SASH3: variants seen among roughly 807,000 people sequenced by gnomAD.
SASH3 encodes SAM and SH3 domain containing 3.
In SASH3, 7 loss-of-function variants were observed where a neutral mutation model predicts 26.1. That is an observed-to-expected ratio of 0.27 (90% CI 0.15 to 0.50). The LOEUF is 0.50. Ranked by LOEUF, SASH3 falls within the 20% of genes least tolerant of loss-of-function variation. SASH3 has a pLI of 0.98. For synonymous variants in SASH3, 138 were observed against 136.8 expected (o/e 1.01, Z -0.06); for missense variants, 231 against 318.3 (o/e 0.73, Z 2.09).
intron 3 of SASH3, among the ~76,000 whole-genome samples, chrX:129,789,632 C>T (rs1052148433): frequency 6.4e-5 from 7 of 109,642 alleles, no homozygotes; most frequent in Non-Finnish European, 1.1e-4. Flanking sequence ...AGCAAAACTC[C>T]GTCTCAAAAA....
chrX:129,793,333 A>G (rs1471732293), intron 7 of SASH3, among the ~76,000 whole-genome samples, 194 bp downstream of exon 7: 1 of 112,339 alleles, frequency 8.9e-6, no homozygotes, highest in Non-Finnish European at 1.9e-5. Flanking sequence ...GATTGGGCCC[A>G]ACCTCCTTTG....
intron 2 of SASH3, 38 bp downstream of exon 2, chrX:129,788,108 GCCCT>G: frequency 3.6e-6 from 2 of 559,530 alleles, no homozygotes; most frequent in East Asian, 6.6e-5. Flanking sequence ...CTGGCTGCAG[GCCCT>G]GGGCAGGGGG....
chrX:129,792,946 T>C, intron 6 of SASH3, 43 bp from the exon 7 acceptor site: 1 of 1,207,074 alleles, frequency 8.3e-7, no homozygotes. Flanking sequence ...TAGGCAGGGG[T>C]GGCTGGTAAG....
At chrX:129,789,155 A>AAGAAAGAAAG (rs1927177064) in intron 3 of SASH3, among the ~76,000 whole-genome samples, 3 of 62,605 alleles carry the variant, frequency 4.8e-5, no homozygotes, top group Non-Finnish European at 7.9e-5. Flanking sequence ...GAAAGAAAGA[A>AAGAAAGAAAG]AGAAAGAAAG....
chrX:129,793,956 C>A lies in SASH3; in HGVS notation c.*124C>A. On this transcript the variant is annotated 3_prime_UTR_variant, in exon 8 of 8. Transcript: ENST00000356892. ...GAGCCTGGCCCTGCTTCCCCAGGGA[C>A]ACTTAGGGCCACAGAGGCCAGGCCA... The A allele has an allele frequency of 1.5e-6, 1 of 669,200 alleles. No individual in the cohort carries two copies. The highest frequency in any genetic ancestry group is 2.2e-6 in the Non-Finnish European group (1 of 452,319). The allele number at this position is 669,200 out of a possible 1,213,427, so 55.1% of individuals were successfully genotyped here. A position where few individuals can be genotyped will look rare whatever the true frequency, so the allele number is the denominator to read the frequency against.
At chrX:129,786,760 G>A (rs1276579239) in intron 1 of SASH3, among the ~76,000 whole-genome samples, 1 of 111,765 alleles carries the variant, frequency 8.9e-6, no homozygotes, top group Non-Finnish European at 1.9e-5. Context: ...ACTTTGGGAG[G>A]CTGAGGCGGC....
At chrX:129,791,109 C>A (rs1487305698) in intron 4 of SASH3, 28 bp downstream of exon 4, 2 of 1,200,053 alleles carry the variant, frequency 1.7e-6, no homozygotes, top group East Asian at 5.9e-5. Context: ...GGGACACCTG[C>A]CGAATCTGGA....
intron 1 of SASH3, among the ~76,000 whole-genome samples, chrX:129,780,406 G>A (rs2076201): frequency 0.097 from 10,799 of 111,387 alleles, 1,042 homozygotes; most frequent in East Asian, 0.34. Context: ...AACCCTAGAA[G>A]AATGGGAAAA....
intron 3 of SASH3, among the ~76,000 whole-genome samples, chrX:129,789,170 A>AGAAAGAAAGAGAAAG (rs10683625): frequency 2.1e-5 from 1 of 48,289 alleles, no homozygotes; most frequent in African/African-American, 1.4e-4. Context: ...AGAAAGAGAA[A>AGAAAGAAAGAGAAAG]AAAAAAAAAA....
intron 1 of SASH3, among the ~76,000 whole-genome samples, chrX:129,782,775 G>A (rs1002637980): frequency 8.9e-6 from 1 of 112,180 alleles, no homozygotes; most frequent in Non-Finnish European, 1.9e-5. Flanking sequence ...CCAGCCAGCA[G>A]AGCAGAGGAG....
intron 1 of SASH3, among the ~76,000 whole-genome samples, chrX:129,787,122 T>C (rs1293386373): frequency 9.0e-6 from 1 of 110,975 alleles, no homozygotes; most frequent in African/African-American, 3.3e-5. Flanking sequence ...ACCAACATGG[T>C]GAAACCCCGT....
intron 2 of SASH3, 67 bp downstream of exon 2, chrX:129,788,137 G>GGGGGGGGGGCGGGC: frequency 2.8e-6 from 1 of 354,277 alleles, no homozygotes; most frequent in Admixed American, 3.5e-5. Context: ...GGGTGGGAGG[G>GGGGGGGGGGCGGGC]AAGAGGGTGA....
At position 129,792,986 on chromosome X, in the gene SASH3, C is replaced by T. The variant is rs1766674130; in HGVS notation, c.802-3C>T. The stretch of plus-strand genomic sequence containing the variant: ...TGTGCCGATGGCCTGCCTCTGCCTA[C>T]AGGAGCACACATCCACCCTCCTGCT... On this transcript the variant is annotated splice_polypyrimidine_tract_variant and splice_region_variant and intron_variant, in intron 6 of 7. Coordinates refer to ENST00000356892, the MANE Select transcript of SASH3 (RefSeq NM_018990.4). 8.3e-7 allele frequency: 1 copy of T among 1,211,623 alleles called. No individual in the cohort carries two copies. Among genetic ancestry groups the T allele is most frequent in the South Asian group, 1.8e-5 (1 of 56,966 alleles).
Position 129,792,854 on chromosome X carries a change from ACTAGTAT to A in SASH3, c.801+27_801+33del. 1 of 1,178,802 alleles carries A rather than the reference ACTAGTAT, an allele frequency of 8.5e-7. No individual in the cohort carries two copies. Among genetic ancestry groups the A allele is most frequent in the Non-Finnish European group, 1.1e-6 (1 of 878,653 alleles). ...GCCTGGAGGTTTGAGCTTGGTCCTC[ACTAGTAT>A]CTAGTATCAGGGAGGCACAACTGCC... On this transcript the variant is annotated intron_variant, in intron 6 of 7. Coordinates refer to ENST00000356892, the MANE Select transcript of SASH3 (RefSeq NM_018990.4).
rs375118458 is a variant in SASH3, at chrX:129,793,838, C to T, written c.*6C>T. 39 of 1,170,020 alleles carry T rather than the reference C, an allele frequency of 3.3e-5. No homozygotes were observed. The highest frequency in any genetic ancestry group is 5.0e-5 in the Admixed American group (2 of 39,869). ...CCCTGGCCGGGGCACCTTGAGGTGG[C>T]GGTGGCAATAGGCCAAGGCTGGGAC... On this transcript the variant is annotated 3_prime_UTR_variant, in exon 8 of 8. Transcript: ENST00000356892.
rs191771497 is a variant in SASH3 at position 129,794,327 on chromosome X, A to C, written c.*495A>C. The C allele has an allele frequency of 8.4e-6, 1 of 118,637 alleles. No individual in the cohort carries two copies. The highest frequency in any genetic ancestry group is 2.6e-4 in the East Asian group (1 of 3,831). The allele number at this position is 118,637 out of a possible 1,213,427, so 9.8% of individuals were successfully genotyped here. ...GACCATGGGTAAATCCAGTTCCCCTAAATAAGGCCTGAAGAAATCCACAGG... is the reference window on the plus strand; with the variant it reads ...GACCATGGGTAAATCCAGTTCCCCTCAATAAGGCCTGAAGAAATCCACAGG... On this transcript the variant is annotated 3_prime_UTR_variant, in exon 8 of 8. Transcript: ENST00000356892.
chrX:129,789,234 A>C (rs1428389871), intron 3 of SASH3, among the ~76,000 whole-genome samples: 1 of 110,071 alleles, frequency 9.1e-6, no homozygotes, highest in African/African-American at 3.3e-5. Context: ...GGACAGGGGC[A>C]GCTTGAGAAA....
At chrX:129,781,578 C>T (rs1336980460) in intron 1 of SASH3, among the ~76,000 whole-genome samples, 6 of 112,461 alleles carry the variant, frequency 5.3e-5, no homozygotes, top group Admixed American at 1.9e-4. Flanking sequence ...ACCACAGGGG[C>T]GCTGAGCTGG....
At chrX:129,788,198 C>A in intron 2 of SASH3, 128 bp downstream of exon 2, 1 of 561,476 alleles carries the variant, frequency 1.8e-6, no homozygotes, top group Non-Finnish European at 2.9e-6. Context: ...AGAGGGTCCA[C>A]CTCTCCCCAC....
Sources: allele counts gnomAD v4.1 joint callset (sites outside exome capture counted in the v4.1 genomes callset), GRCh38; gene constraint gnomAD v4.1.1; transcripts MANE v1.5; gene names NCBI Gene and HGNC (gene_info 2026-07-23, HGNC 2026-07-21).